FERRY3: variants seen among roughly 807,000 people sequenced by gnomAD.
FERRY3 encodes the protein FERRY endosomal RAB5 effector complex subunit 3.
the FERRY3 span, among the ~76,000 whole-genome samples, chr12:4,507,410 A>G: frequency 2.0e-5 from 3 of 152,208 alleles, no homozygotes; most frequent in Non-Finnish European, 4.4e-5. Flanking sequence ...TATATAACAC[A>G]TATTGCCACA....
the FERRY3 span, among the ~76,000 whole-genome samples, chr12:4,519,685 C>T: frequency 1.3e-5 from 2 of 152,280 alleles, no homozygotes; most frequent in African/African-American, 4.8e-5. This position sits in a 1 kb window ranked among gnomAD's most constrained non-coding sequence, Gnocchi z 4.3. Flanking sequence ...TGTTAGGAAC[C>T]GGGCCGCACA....
chr12:4,510,315 C>A, the FERRY3 span, among the ~76,000 whole-genome samples: 1 of 144,818 alleles, frequency 6.9e-6, no homozygotes, highest in Non-Finnish European at 1.5e-5. Flanking sequence ...AGTTGGAAAA[C>A]ACTCTGCAGG....
the FERRY3 span, among the ~76,000 whole-genome samples, chr12:4,524,289 G>T: frequency 6.6e-6 from 1 of 152,102 alleles, no homozygotes; most frequent in Non-Finnish European, 1.5e-5. Flanking sequence ...TGGAAAATAA[G>T]GGATGTAGAA....
chr12:4,491,043 T>C, the FERRY3 span: 74 of 755,740 alleles, frequency 9.8e-5, no homozygotes, highest in Non-Finnish European at 1.3e-4. Context: ...TTATGAAATA[T>C]TTGCTTGCTA....
the FERRY3 span, among the ~76,000 whole-genome samples, chr12:4,503,496 CTG>C: frequency 0.013 from 1,996 of 152,180 alleles, 47 homozygotes; most frequent in African/African-American, 0.045. Context: ...ATAAATAAAA[CTG>C]TTTTTCTTTG....
At chr12:4,499,723 AC>A in the FERRY3 span, among the ~76,000 whole-genome samples, 8 of 152,298 alleles carry the variant, frequency 5.3e-5, no homozygotes, top group East Asian at 1.2e-3. Context: ...GAAAATGCAG[AC>A]TAATTTTCAT....
the FERRY3 span, chr12:4,534,291 C>T: frequency 6.2e-7 from 1 of 1,608,410 alleles, no homozygotes; most frequent in South Asian, 1.1e-5. Context: ...TGAGTCAGAG[C>T]TTCTTTTAAG....
chr12:4,523,804 C>G, the FERRY3 span, among the ~76,000 whole-genome samples: 6 of 151,934 alleles, frequency 3.9e-5, no homozygotes, highest in African/African-American at 1.5e-4. Context: ...CACCAGGACC[C>G]GTCGTGGGGT....
chr12:4,501,792 T>C, the FERRY3 span, among the ~76,000 whole-genome samples: 2 of 152,188 alleles, frequency 1.3e-5, no homozygotes, highest in Non-Finnish European at 2.9e-5. Flanking sequence ...ATAAATGTAA[T>C]GCACTTCAAT....
At chr12:4,489,401 A>T in the FERRY3 span, 605 of 153,554 alleles carry the variant, frequency 3.9e-3, 3 homozygotes, top group African/African-American at 0.014. Flanking sequence ...TTGGCAAAGA[A>T]AGTAAAAGGA....
At chr12:4,528,553 A>G in the FERRY3 span, among the ~76,000 whole-genome samples, 8 of 152,154 alleles carry the variant, frequency 5.3e-5, no homozygotes, top group Non-Finnish European at 8.8e-5. Flanking sequence ...AGTGACAAAT[A>G]TCTCAAAACA....
chr12:4,505,488 T>A, the FERRY3 span: 1 of 726,230 alleles, frequency 1.4e-6, no homozygotes, highest in Non-Finnish European at 2.3e-6. Context: ...ACTAAGGGCA[T>A]CTATGTGCCA....
chr12:4,517,256 A>G, the FERRY3 span: 1 of 1,365,468 alleles, frequency 7.3e-7, no homozygotes, highest in Non-Finnish European at 9.6e-7. Context: ...TTTACTTACA[A>G]TGAGATTTAG....
chr12:4,511,280 CATTA>C, the FERRY3 span, among the ~76,000 whole-genome samples: 1 of 150,968 alleles, frequency 6.6e-6, no homozygotes, highest in Non-Finnish European at 1.5e-5. Flanking sequence ...GACTCCCACA[CATTA>C]ATAATGGGAG....
chr12:4,524,648 A>C, the FERRY3 span, among the ~76,000 whole-genome samples: 1 of 152,240 alleles, frequency 6.6e-6, no homozygotes, highest in South Asian at 2.1e-4. Context: ...AATATACTTT[A>C]GGATTTGAAA....
At chr12:4,531,858 G>A in the FERRY3 span, among the ~76,000 whole-genome samples, 1 of 152,184 alleles carries the variant, frequency 6.6e-6, no homozygotes, top group Non-Finnish European at 1.5e-5. Context: ...GGATATCCAT[G>A]TGGAAACCCA....
chr12:4,526,373 A>T, the FERRY3 span, among the ~76,000 whole-genome samples: 1 of 152,176 alleles, frequency 6.6e-6, no homozygotes, highest in South Asian at 2.1e-4. Context: ...TGTGTATGTT[A>T]TATTTTAATA....
At chr12:4,497,484 T>A in the FERRY3 span, among the ~76,000 whole-genome samples, 1 of 152,216 alleles carries the variant, frequency 6.6e-6, no homozygotes, top group Non-Finnish European at 1.5e-5. Context: ...TGTGTACCTT[T>A]CTATACGTGT....
At chr12:4,514,110 A>C in the FERRY3 span, among the ~76,000 whole-genome samples, 1 of 151,740 alleles carries the variant, frequency 6.6e-6, no homozygotes, top group Non-Finnish European at 1.5e-5. Flanking sequence ...TTCTCAAAAG[A>C]AGACATTTAT....
Sources: allele counts gnomAD v4.1 joint callset (sites outside exome capture counted in the v4.1 genomes callset), GRCh38; gene constraint gnomAD v4.1.1; non-coding constraint Gnocchi (gnomAD v3.1); transcripts MANE v1.5; gene names NCBI Gene and HGNC (gene_info 2026-07-23, HGNC 2026-07-21).